Variants in XRCC5 observed in about 807,000 individuals in gnomAD.
XRCC5 encodes the protein X-ray repair cross complementing 5, also known as DNA repair protein Ku80.
In XRCC5, 12 loss-of-function variants were observed where a neutral mutation model predicts 95.7. The observed-to-expected ratio is 0.13, with a 90% CI of 0.08 to 0.20. The LOEUF (loss-of-function observed/expected upper bound fraction) is 0.20. Ranked by LOEUF, XRCC5 falls within the 10% of genes least tolerant of loss-of-function variation. The pLI is 1.00. For missense variants in XRCC5, 595 were observed against 873.9 expected (o/e 0.68, Z 4.02); for synonymous variants, 281 against 290.3 (o/e 0.97, Z 0.33).
intron 19 of XRCC5, chr2:216,204,120 C>G (rs1689896321): frequency 3.4e-6 from 2 of 583,564 alleles, no homozygotes; most frequent in Admixed American, 5.8e-5. Context: ...TTAGTATGGA[C>G]TACTTGAACC....
chr2:216,143,430 A>G (rs1373217930), intron 13 of XRCC5, among the ~76,000 whole-genome samples: 2 of 152,174 alleles, frequency 1.3e-5, no homozygotes, highest in Admixed American at 6.5e-5. Context: ...TATTAATACT[A>G]TTTTGCACAC....
intron 16 of XRCC5, among the ~76,000 whole-genome samples, chr2:216,173,288 T>A (rs1350867733): frequency 6.6e-6 from 1 of 152,156 alleles, no homozygotes; most frequent in Non-Finnish European, 1.5e-5. Context: ...TGAACATCCT[T>A]GCCCTGTTCC....
At chr2:216,120,844 T>C (rs537314966) in intron 5 of XRCC5, among the ~76,000 whole-genome samples, 6 of 152,330 alleles carry the variant, frequency 3.9e-5, no homozygotes, top group African/African-American at 1.4e-4. Flanking sequence ...CAAGCAGTTC[T>C]CCTATCTCAG....
intron 14 of XRCC5, chr2:216,156,467 C>G (rs1162541432): frequency 1.5e-5 from 10 of 681,792 alleles, no homozygotes; most frequent in Non-Finnish European, 2.5e-5. Flanking sequence ...CTGGTCAGAT[C>G]TACATAAGCC....
At chr2:216,132,866 C>A (rs1697017267) in intron 10 of XRCC5, among the ~76,000 whole-genome samples, 1 of 152,210 alleles carries the variant, frequency 6.6e-6, no homozygotes, top group Admixed American at 6.5e-5. Context: ...TCTATACTCA[C>A]ATCTGCCCTT....
intron 1 of XRCC5, among the ~76,000 whole-genome samples, chr2:216,110,221 C>G (rs1341062493): frequency 3.3e-5 from 5 of 150,154 alleles, no homozygotes; most frequent in African/African-American, 1.2e-4. Flanking sequence ...AGATCAGTAA[C>G]AGAAATTACA....
At chr2:216,134,354 G>C (rs1389190670) in intron 10 of XRCC5, among the ~76,000 whole-genome samples, 2 of 151,848 alleles carry the variant, frequency 1.3e-5, no homozygotes, top group East Asian at 3.9e-4. Context: ...CTTTAGTTAA[G>C]TTATACACAG....
intron 16 of XRCC5, among the ~76,000 whole-genome samples, chr2:216,178,599 G>C (rs1037384127): frequency 6.6e-6 from 1 of 152,170 alleles, no homozygotes; most frequent in Non-Finnish European, 1.5e-5. Context: ...ATAATAAAAC[G>C]TCAAGATGTC....
At chr2:216,188,797 C>T (rs922481417) in intron 16 of XRCC5, among the ~76,000 whole-genome samples, 4 of 152,196 alleles carry the variant, frequency 2.6e-5, no homozygotes, top group Admixed American at 2.6e-4. Flanking sequence ...TTCATCTGAA[C>T]ATTCTCTCTC....
At chr2:216,203,113 A>G (rs1047219180) in intron 19 of XRCC5, among the ~76,000 whole-genome samples, 11 of 152,206 alleles carry the variant, frequency 7.2e-5, no homozygotes, top group Admixed American at 6.5e-4. Context: ...TGAGGAAAGT[A>G]TAATTATACT....
intron 20 of XRCC5, 128 bp from the exon 21 acceptor site, chr2:216,205,060 T>C: frequency 9.3e-7 from 1 of 1,069,666 alleles, no homozygotes; most frequent in Non-Finnish European, 1.4e-6. Context: ...TAATGAGCGG[T>C]GAATAAATGA....
chr2:216,198,000 C>T (rs557626478), intron 19 of XRCC5, among the ~76,000 whole-genome samples: 1 of 152,120 alleles, frequency 6.6e-6, no homozygotes, highest in African/African-American at 2.4e-5. Context: ...ATCCAACTCC[C>T]GAACCAAAGA....
chr2:216,142,983 A>G (rs2106016096), intron 13 of XRCC5, among the ~76,000 whole-genome samples: 1 of 152,354 alleles, frequency 6.6e-6, no homozygotes, highest in South Asian at 2.1e-4. Context: ...AAATGCATTT[A>G]CTACACCTAA....
At chr2:216,183,831 C>G (rs2106041960) in intron 16 of XRCC5, among the ~76,000 whole-genome samples, 1 of 152,292 alleles carries the variant, frequency 6.6e-6, no homozygotes, top group African/African-American at 2.4e-5. Context: ...ATGTCATTTT[C>G]AGGTTACTCA....
At chr2:216,154,034 A>G (rs79424062) in intron 14 of XRCC5, among the ~76,000 whole-genome samples, 1 of 152,180 alleles carries the variant, frequency 6.6e-6, no homozygotes, top group Non-Finnish European at 1.5e-5. Context: ...TACATTCTAT[A>G]TGTAATTGGT....
intron 13 of XRCC5, among the ~76,000 whole-genome samples, chr2:216,143,648 A>AG (rs1282520548): frequency 6.6e-6 from 1 of 151,910 alleles, no homozygotes; most frequent in African/African-American, 2.4e-5. Flanking sequence ...CTTAAAAAAA[A>AG]CTTATTTATT....
intron 14 of XRCC5, among the ~76,000 whole-genome samples, 170 bp downstream of exon 14, chr2:216,148,446 G>T (rs41296410): frequency 0.013 from 1,910 of 152,270 alleles, 55 homozygotes; most frequent in African/African-American, 0.044. Context: ...ATATCTGTCT[G>T]CTGTGATCAT....
intron 13 of XRCC5, among the ~76,000 whole-genome samples, chr2:216,141,850 C>G (rs1021038472): frequency 6.6e-5 from 10 of 151,972 alleles, no homozygotes; most frequent in African/African-American, 2.4e-4. Context: ...GTCAGGAGTT[C>G]AAGACCAGCC....
chr2:216,184,495 G>C (rs954783958), intron 16 of XRCC5, among the ~76,000 whole-genome samples: 1 of 152,058 alleles, frequency 6.6e-6, no homozygotes, highest in African/African-American at 2.4e-5. Flanking sequence ...CTGTGTTTTT[G>C]AGATGGAGTC....
Sources: gnomAD v4.1 joint callset for allele counts (sites outside exome capture counted in the v4.1 genomes callset) on GRCh38, gnomAD v4.1.1 for gene constraint, MANE v1.5 for transcripts, NCBI Gene and HGNC (gene_info 2026-07-23, HGNC 2026-07-21) for gene names.